TTC1: variants seen among roughly 807,000 people sequenced by gnomAD.
TTC1 encodes tetratricopeptide repeat domain 1.
Under a neutral mutation model 37.6 loss-of-function variants are expected in TTC1, and 31 were observed. The observed-to-expected ratio is 0.82, with a 90% CI of 0.62 to 1.11. TTC1 has a LOEUF of 1.11. Ranked by LOEUF, TTC1 falls within the 50% of genes most tolerant of loss-of-function variation. TTC1 has a pLI of 0.00. For synonymous variants in TTC1, 127 were observed against 122.4 expected, an observed-to-expected ratio of 1.04 and a Z score of -0.25; for missense variants, 351 against 339.0, an observed-to-expected ratio of 1.04 and a Z score of -0.28.
intron 2 of TTC1, among the ~76,000 whole-genome samples, chr5:160,021,659 A>G (rs1184772753): frequency 1.3e-5 from 2 of 152,234 alleles, no homozygotes; most frequent in Non-Finnish European, 2.9e-5. Context: ...ACTTGTGGAA[A>G]GAACAGATAT....
intron 2 of TTC1, among the ~76,000 whole-genome samples, chr5:160,025,782 A>G (rs1756792565): frequency 6.6e-6 from 1 of 152,020 alleles, no homozygotes; most frequent in South Asian, 2.1e-4. Context: ...GCTTTGTTTT[A>G]TTTAAAAGAT....
chr5:160,053,438 C>T (rs1223151695), intron 7 of TTC1, among the ~76,000 whole-genome samples: 1 of 152,006 alleles, frequency 6.6e-6, no homozygotes, highest in Non-Finnish European at 1.5e-5. Context: ...CTGGTGTGCA[C>T]CTGTAGTCCC....
Position 160,065,167 on chromosome 5 carries a change from T to C in TTC1, c.*102T>C, listed in dbSNP as rs2113432413. ...ATGTTTAACTTTTAAAAGCATCTTA[T>C]CTAAAAGAAAGGCTATCCAGTAGAG... On this transcript the variant is annotated 3_prime_UTR_variant, in exon 8 of 8. Coordinates refer to ENST00000231238, the MANE Select transcript of TTC1 (RefSeq NM_003314.3). 4 of 1,505,144 alleles carry C rather than the reference T, an allele frequency of 2.7e-6. No individual in the cohort carries two copies. The East Asian group carries it at 9.1e-5, about 34-fold the overall frequency. The allele number at this position is 1,505,144 out of a possible 1,614,324, so 93.2% of individuals were successfully genotyped here.
intron 5 of TTC1, among the ~76,000 whole-genome samples, chr5:160,044,974 T>C (rs1757177094): frequency 6.6e-6 from 1 of 152,222 alleles, no homozygotes. Context: ...TATATTATAA[T>C]ATAGAAGACC....
At chr5:160,009,576 C>T (rs536516178) in intron 1 of TTC1, among the ~76,000 whole-genome samples, 15 of 152,088 alleles carry the variant, frequency 9.9e-5, no homozygotes, top group Non-Finnish European at 1.9e-4. Context: ...GGCTGCATAT[C>T]AGAATCACCT....
Position 160,036,688 on chromosome 5 carries a change from C to G in TTC1, c.392-3C>G. On this transcript the variant is annotated splice_region_variant and splice_polypyrimidine_tract_variant and intron_variant, in intron 3 of 7. Coordinates refer to ENST00000231238, the MANE Select transcript of TTC1 (RefSeq NM_003314.3). ...GACCATTCATCCTTTCTCTTATCCT[C>G]AGATTATATAGAAGCTGAAAGTTCT... 1.3e-6 allele frequency: 2 copies of G among 1,599,802 alleles called. No individual in the cohort carries two copies. The highest frequency in any genetic ancestry group is 1.7e-6 in the Non-Finnish European group (2 of 1,167,106).
At chr5:160,024,842 T>C (rs1291998196) in intron 2 of TTC1, among the ~76,000 whole-genome samples, 1 of 152,086 alleles carries the variant, frequency 6.6e-6, no homozygotes, top group African/African-American at 2.4e-5. Flanking sequence ...TTGTTTTGCT[T>C]TGTTTTTTTG....
Position 160,048,126 on chromosome 5 carries a change from C to CTTT in TTC1, c.542-1354_542-1352dup, listed in dbSNP as rs56201199. ...AAAAAGTTCTAGAGCCAAGACATTG[C>CTTT]TTTTTTTTTTTTTTTTTTTTTTTTT... On this transcript the variant is annotated intron_variant, in intron 5 of 7. Coordinates refer to ENST00000231238, the MANE Select transcript of TTC1 (RefSeq NM_003314.3). 1.4e-4 allele frequency among the ~76,000 whole-genome samples: 5 copies of CTTT among 35,570 alleles called. 2 individuals carry two copies. The highest frequency in any genetic ancestry group is 2.3e-4 in the Non-Finnish European group (5 of 21,298). The allele number at this position is 35,570 out of a possible 152,430, so 23.3% of individuals were successfully genotyped here. A position where few individuals can be genotyped will look rare whatever the true frequency, so the allele number is the denominator to read the frequency against.
chr5:160,020,023 G>C (rs1414085178), intron 2 of TTC1, among the ~76,000 whole-genome samples: 1 of 151,766 alleles, frequency 6.6e-6, no homozygotes, highest in East Asian at 1.9e-4. Context: ...CTGCCTCCCA[G>C]GTTCAAGTGA....
At chr5:160,035,637 C>A (rs2113369054) in intron 3 of TTC1, among the ~76,000 whole-genome samples, 1 of 152,250 alleles carries the variant, frequency 6.6e-6, no homozygotes, top group Middle Eastern at 3.4e-3. Flanking sequence ...TTCTTTCTTT[C>A]TTTTTTTAAA....
intron 2 of TTC1, among the ~76,000 whole-genome samples, chr5:160,014,063 A>G (rs1407837082): frequency 6.6e-6 from 1 of 152,084 alleles, no homozygotes; most frequent in Non-Finnish European, 1.5e-5. Context: ...ATTGTAATTA[A>G]TTTAAATAGT....
At chr5:160,054,072 T>C (rs1256235051) in intron 7 of TTC1, among the ~76,000 whole-genome samples, 2 of 152,034 alleles carry the variant, frequency 1.3e-5, no homozygotes, top group African/African-American at 4.8e-5. Context: ...GGGGGTTGGT[T>C]GTTTTTGTTT....
At chr5:160,040,261 T>C (rs1234350836) in intron 4 of TTC1, among the ~76,000 whole-genome samples, 1 of 151,586 alleles carries the variant, frequency 6.6e-6, no homozygotes, top group African/African-American at 2.4e-5. Flanking sequence ...CACACACATA[T>C]GTATACACAC....
intron 4 of TTC1, 81 bp downstream of exon 4, chr5:160,036,884 G>A: frequency 1.0e-6 from 1 of 971,608 alleles, no homozygotes; most frequent in Non-Finnish European, 1.6e-6. Flanking sequence ...CCAGAAACTA[G>A]CATAGAGGTT....
intron 5 of TTC1, among the ~76,000 whole-genome samples, chr5:160,044,053 G>T (rs7717891): frequency 3.9e-4 from 60 of 152,144 alleles, no homozygotes; most frequent in African/African-American, 1.4e-3. Context: ...TGTGAAGAAT[G>T]TACATAATCA....
intron 2 of TTC1, among the ~76,000 whole-genome samples, chr5:160,025,619 A>C (rs1756788077): frequency 5.3e-5 from 8 of 152,226 alleles, no homozygotes; most frequent in Admixed American, 5.2e-4. Context: ...GAAGCATATA[A>C]GTTCTGTGAG....
In TTC1 at chr5:160,062,905, C is replaced by T. The variant is rs538950153; in HGVS notation, c.746-2027C>T. ...CTAACTCAGGTCACCCTGAGGCTGC[C>T]CTGTCTTTCTCTTGCTTGTTGTGAG... On this transcript the variant is annotated intron_variant, in intron 7 of 7. Coordinates refer to ENST00000231238, the MANE Select transcript of TTC1 (RefSeq NM_003314.3). Among the ~76,000 whole-genome samples, 339 of 152,242 alleles carry T rather than the reference C, an allele frequency of 2.2e-3. 2 individuals carry two copies. The highest frequency in any genetic ancestry group is 7.6e-3 in the African/African-American group (316 of 41,548).
intron 7 of TTC1, chr5:160,063,620 AT>A (rs1753499510): frequency 6.6e-6 from 1 of 152,194 alleles, no homozygotes; most frequent in South Asian, 2.1e-4. Context: ...ACCTCTGGTG[AT>A]TAGGGATTTC....
intron 2 of TTC1, chr5:160,023,968 T>C: frequency 6.4e-7 from 1 of 1,558,578 alleles, no homozygotes; most frequent in Non-Finnish European, 8.8e-7. Context: ...TCAGAGAGTA[T>C]TTGGTCCCAC....
Sources: allele counts gnomAD v4.1 joint callset (sites outside exome capture counted in the v4.1 genomes callset), GRCh38; gene constraint gnomAD v4.1.1; transcripts MANE v1.5; gene names NCBI Gene and HGNC (gene_info 2026-07-23, HGNC 2026-07-21).